RBPMS: variants seen among roughly 807,000 people sequenced by gnomAD.
RBPMS encodes RNA binding protein, mRNA processing factor.
A neutral mutation model predicts 26.8 loss-of-function variants in RBPMS; 7 were observed. That is an observed-to-expected ratio of 0.26 (90% CI 0.15 to 0.49). The LOEUF is 0.49. Among genes scored for constraint, RBPMS ranks in the 20% least tolerant of loss-of-function variants. RBPMS has a pLI of 0.98. For missense variants in RBPMS, 186 were observed against 250.0 expected, an observed-to-expected ratio of 0.74 and a Z score of 1.73; for synonymous variants, 96 against 93.3, an observed-to-expected ratio of 1.03 and a Z score of -0.17.
At chr8:30,419,450 A>ATTTGTGTGTGTGTGTGTG (rs1554509328) in intron 1 of RBPMS, among the ~76,000 whole-genome samples, 1 of 143,176 alleles carries the variant, frequency 7.0e-6, no homozygotes, top group African/African-American at 2.6e-5. Flanking sequence ...CATCTCAAAA[A>ATTTGTGTGTGTGTGTGTG]TGTGTGTGTG....
chr8:30,388,881 G>A (rs1439864345), intron 1 of RBPMS, among the ~76,000 whole-genome samples: 3 of 152,122 alleles, frequency 2.0e-5, no homozygotes, highest in African/African-American at 7.2e-5. Flanking sequence ...CAAAAAACGT[G>A]GAAGTGTTGG....
intron 6 of RBPMS, among the ~76,000 whole-genome samples, chr8:30,549,809 T>TCCCCCCTCTCTC (rs766646710): frequency 0.046 from 4,244 of 91,582 alleles, 159 homozygotes; most frequent in Non-Finnish European, 0.06. Context: ...CTCTCTCCTC[T>TCCCCCCTCTCTC]CTCTCTCTCT....
At chr8:30,536,355 G>A (rs973231795) in intron 5 of RBPMS, among the ~76,000 whole-genome samples, 4 of 152,100 alleles carry the variant, frequency 2.6e-5, no homozygotes, top group Non-Finnish European at 5.9e-5. Context: ...TCGAACTCCC[G>A]ACCTCAGGTG....
intron 5 of RBPMS, among the ~76,000 whole-genome samples, chr8:30,527,228 A>G (rs938092110): frequency 2.6e-5 from 4 of 152,164 alleles, no homozygotes; most frequent in African/African-American, 9.7e-5. Context: ...TACTCATTCT[A>G]TATTTGTAGC....
chr8:30,530,514 G>A (rs1389867777), intron 5 of RBPMS, among the ~76,000 whole-genome samples: 2 of 152,102 alleles, frequency 1.3e-5, no homozygotes, highest in African/African-American at 4.8e-5. Context: ...CCAGGCTGGA[G>A]TGCAGTGGTG....
intron 6 of RBPMS, among the ~76,000 whole-genome samples, chr8:30,551,415 C>T (rs996990404): frequency 1.3e-5 from 2 of 152,130 alleles, no homozygotes; most frequent in African/African-American, 2.4e-5. Context: ...AGGAGACTTC[C>T]GTAGAAATCA....
intron 4 of RBPMS, among the ~76,000 whole-genome samples, chr8:30,492,578 T>C (rs559838040): frequency 6.6e-6 from 1 of 152,322 alleles, no homozygotes; most frequent in Non-Finnish European, 1.5e-5. Flanking sequence ...GTTTTGTACT[T>C]GGCAGAAGCT....
At chr8:30,520,201 T>C (rs1479209584) in intron 5 of RBPMS, among the ~76,000 whole-genome samples, 1 of 152,196 alleles carries the variant, frequency 6.6e-6, no homozygotes, top group African/African-American at 2.4e-5. Context: ...ATTTTTCTAA[T>C]TGGTTGTTTA....
At chr8:30,501,775 A>C (rs1175724736) in intron 4 of RBPMS, among the ~76,000 whole-genome samples, 5 of 152,230 alleles carry the variant, frequency 3.3e-5, no homozygotes, top group Admixed American at 3.3e-4. Context: ...CTTGGCAGTA[A>C]TCTTATCCTG....
At chr8:30,431,727 C>T (rs953159214) in intron 1 of RBPMS, among the ~76,000 whole-genome samples, 1 of 152,080 alleles carries the variant, frequency 6.6e-6, no homozygotes, top group African/African-American at 2.4e-5. Context: ...GTTGGGATTA[C>T]AGGTGTGAGC....
At chr8:30,564,313 A>T (rs1188043819) in intron 7 of RBPMS, 1 of 152,228 alleles carries the variant, frequency 6.6e-6, no homozygotes, top group East Asian at 1.9e-4. Context: ...GCTCCCACGC[A>T]GCACTAAGGA....
intron 1 of RBPMS, among the ~76,000 whole-genome samples, chr8:30,416,232 T>C (rs1036372190): frequency 6.6e-6 from 1 of 152,226 alleles, no homozygotes; most frequent in African/African-American, 2.4e-5. Flanking sequence ...TAAATGTTAA[T>C]CCATAGGACA....
intron 5 of RBPMS, among the ~76,000 whole-genome samples, chr8:30,519,824 G>C (rs972538753): frequency 2.0e-5 from 3 of 151,926 alleles, no homozygotes; most frequent in African/African-American, 7.2e-5. Flanking sequence ...TTGGATTATT[G>C]AAAAAAGTGC....
intron 5 of RBPMS, chr8:30,537,770 C>T: frequency 2.5e-6 from 1 of 398,426 alleles, no homozygotes; most frequent in Non-Finnish European, 5.0e-6. Flanking sequence ...GATTGGTGCA[C>T]AGAATGTGGT....
chr8:30,412,374 C>A (rs1809543920), intron 1 of RBPMS, among the ~76,000 whole-genome samples: 1 of 152,100 alleles, frequency 6.6e-6, no homozygotes, highest in African/African-American at 2.4e-5. Context: ...AGCCCTGAGC[C>A]CAGATGACTG....
intron 6 of RBPMS, among the ~76,000 whole-genome samples, chr8:30,549,793 T>TCTCTCTCC (rs1464873852): frequency 7.3e-5 from 8 of 109,364 alleles, no homozygotes; most frequent in African/African-American, 2.8e-4. Context: ...TCTCTCTCTC[T>TCTCTCTCC]CTCCCCTCTC....
chr8:30,423,012 AT>A (rs1213711157), intron 1 of RBPMS, among the ~76,000 whole-genome samples: 2 of 152,206 alleles, frequency 1.3e-5, no homozygotes, highest in African/African-American at 4.8e-5. Flanking sequence ...CATTGCAGCT[AT>A]CCCAAGTGGG....
chr8:30,446,016 GTGAAGA>G (rs1444700295), intron 1 of RBPMS, among the ~76,000 whole-genome samples: 4 of 152,188 alleles, frequency 2.6e-5, no homozygotes, highest in Non-Finnish European at 5.9e-5. Context: ...AATGAAATCA[GTGAAGA>G]CACCAATATG....
At chr8:30,390,063 A>C (rs1807608798) in intron 1 of RBPMS, among the ~76,000 whole-genome samples, 1 of 152,236 alleles carries the variant, frequency 6.6e-6, no homozygotes. Flanking sequence ...GTTCTCAAAT[A>C]AATGTATATT....
Sources: gnomAD v4.1 joint callset for allele counts (sites outside exome capture counted in the v4.1 genomes callset) on GRCh38, gnomAD v4.1.1 for gene constraint, MANE v1.5 for transcripts, NCBI Gene and HGNC (gene_info 2026-07-23, HGNC 2026-07-21) for gene names.